TBC1D14: variants seen among roughly 807,000 people sequenced by gnomAD.
The protein encoded by TBC1D14 is TBC1 domain family member 14.
A neutral mutation model predicts 79.0 loss-of-function variants in TBC1D14; 26 were observed. The ratio of observed to expected loss-of-function variants is 0.33; its 90% CI spans 0.24 to 0.46. The LOEUF is 0.46. Ranked by LOEUF, TBC1D14 falls within the 20% of genes least tolerant of loss-of-function variation. TBC1D14 has a pLI of 1.00. For synonymous variants in TBC1D14, 394 were observed against 349.9 expected (o/e 1.13, Z -1.40); for missense variants, 769 against 887.6 (o/e 0.87, Z 1.70).
At chr4:6,948,477 C>G (rs1713697435) in intron 2 of TBC1D14, among the ~76,000 whole-genome samples, 1 of 152,134 alleles carries the variant, frequency 6.6e-6, no homozygotes, top group Admixed American at 6.5e-5. Context: ...TTTGTTCTCC[C>G]ATGTGTGGAG....
intron 12 of TBC1D14, among the ~76,000 whole-genome samples, chr4:7,020,333 G>A (rs1186029262): frequency 6.6e-6 from 1 of 152,238 alleles, no homozygotes; most frequent in Non-Finnish European, 1.5e-5. Context: ...GGGATTGTGT[G>A]TTTGGAGTTT....
chr4:7,018,529 C>G (rs1251883418), intron 12 of TBC1D14, among the ~76,000 whole-genome samples: 2 of 152,246 alleles, frequency 1.3e-5, no homozygotes, highest in Non-Finnish European at 2.9e-5. Flanking sequence ...CAGTGCCTGG[C>G]CCCATGCCTG....
At chr4:7,027,632 A>AC (rs1722555198) in intron 13 of TBC1D14, among the ~76,000 whole-genome samples, 1 of 121,540 alleles carries the variant, frequency 8.2e-6, no homozygotes, top group African/African-American at 3.2e-5. Context: ...ACACACAATC[A>AC]CCCCACACAC....
At chr4:6,940,820 G>A (rs945371760) in intron 2 of TBC1D14, among the ~76,000 whole-genome samples, 1 of 152,192 alleles carries the variant, frequency 6.6e-6, no homozygotes, top group African/African-American at 2.4e-5. Context: ...TGGCAGCCAG[G>A]AGGCTGTGCT....
At chr4:7,005,740 GT>G (rs1170712729) in intron 8 of TBC1D14, among the ~76,000 whole-genome samples, 8 of 152,020 alleles carry the variant, frequency 5.3e-5, no homozygotes, top group Non-Finnish European at 1.2e-4. Context: ...CCTGCGAGGT[GT>G]TTGTGTCCTG....
Position 6,923,573 on chromosome 4 carries a change from C to T in TBC1D14, c.184C>T (p.Gln62Ter). ...LRALEDRHSLQSVDSGIPTLE... is the reference protein window; with the variant it reads ...LRALEDRHSL Reference sequence around the variant, plus strand: ...GGCTTTAGAAGACCGGCACAGCCTCCAGTCCGTGGACTCGGGGATTCCTAC... The same window carrying T: ...GGCTTTAGAAGACCGGCACAGCCTCTAGTCCGTGGACTCGGGGATTCCTAC... Residue 62 changes from glutamine to a stop codon, truncating the protein, a stop_gained, in exon 2 of 14, where the codon CAG (glutamine) becomes TAG (stop). Transcript: ENST00000409757. LOFTEE classifies it high-confidence loss of function. 6.2e-7 allele frequency: 1 copy of T among 1,614,128 alleles called. No homozygotes were observed. The highest frequency in any genetic ancestry group is 8.5e-7 in the Non-Finnish European group (1 of 1,180,014).
intron 7 of TBC1D14, 39 bp downstream of exon 7, chr4:7,001,290 G>A (rs1560332492): frequency 1.3e-6 from 2 of 1,553,196 alleles, no homozygotes; most frequent in Admixed American, 1.7e-5. Context: ...CCACCTCCAG[G>A]CCCTTTGGCT....
rs1720025902 is a variant in TBC1D14, at chr4:7,004,928, G to C, written c.1351+4G>C. The C allele has an allele frequency of 6.2e-7, 1 of 1,613,912 alleles. No homozygotes were observed. Among genetic ancestry groups the C allele is most frequent in the Non-Finnish European group, 8.5e-7 (1 of 1,179,786 alleles). On this transcript the variant is annotated splice_donor_region_variant and intron_variant, in intron 8 of 13. Transcript: ENST00000409757. ...GGCTCTGAAGTGGAGAACGAAGGTA[G>C]AATGTCTTCTAAAACCAGCGGACTG...
intron 4 of TBC1D14, 21 bp downstream of exon 4, chr4:6,994,323 T>G (rs1490781699): frequency 6.3e-7 from 1 of 1,598,900 alleles, no homozygotes; most frequent in Non-Finnish European, 8.6e-7. Flanking sequence ...GAAGACTCTC[T>G]TTAGAGTGTT....
At chr4:7,012,068 A>G (rs972943039) in intron 11 of TBC1D14, among the ~76,000 whole-genome samples, 4 of 151,936 alleles carry the variant, frequency 2.6e-5, no homozygotes, top group African/African-American at 9.7e-5. Flanking sequence ...TGGGAGGCCG[A>G]GGAGGGCGGA....
intron 3 of TBC1D14, among the ~76,000 whole-genome samples, chr4:6,969,665 A>G (rs1716050091): frequency 6.6e-6 from 1 of 151,804 alleles, no homozygotes; most frequent in Non-Finnish European, 1.5e-5. Context: ...TCGGCCTCCC[A>G]AAGTGCTGGG....
Position 7,009,903 on chromosome 4 carries a change from C to T in TBC1D14, c.1473C>T (p.His491=), listed in dbSNP as rs1720580007. ...QQGGPYHDML[H]SILGAYTCYR... ...GTGGTCCATATCATGACATGTTGCA[C>T]AGTATTTTGGGCGCTTATACTTGTT... The change falls in exon 10 of 14, where the codon CAC becomes CAT. Residue 491 remains histidine (H), a synonymous_variant. Coordinates refer to ENST00000409757, the MANE Select transcript of TBC1D14 (RefSeq NM_020773.3). 1.9e-6 allele frequency: 3 copies of T among 1,614,006 alleles called. No individual in the cohort carries two copies. Among genetic ancestry groups the T allele is most frequent in the Admixed American group, 1.7e-5 (1 of 59,992 alleles).
chr4:6,934,469 G>A (rs980077310), intron 2 of TBC1D14, among the ~76,000 whole-genome samples: 1 of 152,040 alleles, frequency 6.6e-6, no homozygotes, highest in Non-Finnish European at 1.5e-5. Flanking sequence ...GACCAGCCTG[G>A]CCAACATGGT....
chr4:6,986,557 G>C (rs370264538), intron 3 of TBC1D14, among the ~76,000 whole-genome samples: 2 of 152,216 alleles, frequency 1.3e-5, no homozygotes, highest in African/African-American at 2.4e-5. Context: ...GAGATCTGCG[G>C]GGGGAGCCTT....
At chr4:6,919,584 G>T (rs1294834549) in intron 1 of TBC1D14, among the ~76,000 whole-genome samples, 2 of 151,750 alleles carry the variant, frequency 1.3e-5, no homozygotes, top group Non-Finnish European at 2.9e-5. Context: ...TTACTCACTG[G>T]GTCGTATTTC....
chr4:6,968,006 G>A (rs558726679), intron 3 of TBC1D14, among the ~76,000 whole-genome samples: 12 of 152,154 alleles, frequency 7.9e-5, no homozygotes, highest in Admixed American at 5.2e-4. Flanking sequence ...GCTTGTGCAC[G>A]GACACAGCAA....
At chr4:7,030,047 C>A (rs987217433) in intron 13 of TBC1D14, among the ~76,000 whole-genome samples, 2 of 152,162 alleles carry the variant, frequency 1.3e-5, no homozygotes, top group Admixed American at 6.5e-5. Flanking sequence ...TGGGTGGCCA[C>A]TGCAGGACCC....
intron 2 of TBC1D14, among the ~76,000 whole-genome samples, chr4:6,959,922 A>G (rs1282376172): frequency 6.6e-6 from 1 of 152,152 alleles, no homozygotes; most frequent in Non-Finnish European, 1.5e-5. Flanking sequence ...TGGGAGTGGT[A>G]CAAAGCATTT....
intron 3 of TBC1D14, among the ~76,000 whole-genome samples, chr4:6,983,303 A>G (rs1255417742): frequency 6.6e-6 from 1 of 152,140 alleles, no homozygotes; most frequent in Non-Finnish European, 1.5e-5. Context: ...TTTAATGTGT[A>G]GAATGACAGA....
Sources: allele counts gnomAD v4.1 joint callset (sites outside exome capture counted in the v4.1 genomes callset), GRCh38; gene constraint gnomAD v4.1.1; transcripts MANE v1.5; gene names NCBI Gene and HGNC (gene_info 2026-07-23, HGNC 2026-07-21).